Variants in FBXL18 observed in about 807,000 individuals in gnomAD.
The protein encoded by FBXL18 is F-box/LRR-repeat protein 18.
FBXL18 carries 36 observed loss-of-function variants against 46.0 expected under a neutral mutation model. The ratio of observed to expected loss-of-function variants is 0.78; its 90% CI spans 0.60 to 1.03. The LOEUF is 1.03. Ranked by LOEUF, FBXL18 falls within the 50% of genes least tolerant of loss-of-function variation. The pLI is 0.00. For missense variants in FBXL18, 977 were observed against 1,004.1 expected (o/e 0.97, Z 0.36); for synonymous variants, 557 against 465.3 (o/e 1.20, Z -2.54).
At chr7:5,497,729 G>C (rs1413990254) in intron 3 of FBXL18, among the ~76,000 whole-genome samples, 1 of 152,174 alleles carries the variant, frequency 6.6e-6, no homozygotes, top group African/African-American at 2.4e-5. Flanking sequence ...CGGTGTTTGC[G>C]AGAGACTCAG....
intron 4 of FBXL18, chr7:5,490,043 C>A: frequency 1.5e-6 from 2 of 1,338,858 alleles, no homozygotes; most frequent in East Asian, 4.8e-5. Flanking sequence ...GGGGAAACCC[C>A]AACCAGGATT....
intron 4 of FBXL18, among the ~76,000 whole-genome samples, chr7:5,463,003 A>ATATATG (rs1783278719): frequency 1.8e-5 from 2 of 111,408 alleles, no homozygotes; most frequent in Non-Finnish European, 3.9e-5. Context: ...TATAATATAT[A>ATATATG]TACACACACA....
At chr7:5,485,495 T>C (rs913762914) in intron 4 of FBXL18, among the ~76,000 whole-genome samples, 1 of 151,952 alleles carries the variant, frequency 6.6e-6, no homozygotes, top group African/African-American at 2.4e-5. Context: ...ACATTACCCA[T>C]CAGATGTGCA....
At chr7:5,461,081 G>A (rs1207563542) in intron 4 of FBXL18, among the ~76,000 whole-genome samples, 2 of 152,176 alleles carry the variant, frequency 1.3e-5, no homozygotes, top group Admixed American at 1.3e-4. Context: ...CTGGTGTCCT[G>A]GTGCCCAACC....
At chr7:5,466,668 G>C (rs893261792) in intron 4 of FBXL18, among the ~76,000 whole-genome samples, 1 of 152,164 alleles carries the variant, frequency 6.6e-6, no homozygotes, top group Non-Finnish European at 1.5e-5. Context: ...TGGGATCTGG[G>C]GACTGGGGCA....
intron 4 of FBXL18, among the ~76,000 whole-genome samples, chr7:5,468,274 C>T (rs1418835007): frequency 2.6e-5 from 4 of 151,986 alleles, no homozygotes; most frequent in African/African-American, 7.2e-5. Context: ...TGACCCACTG[C>T]GCCGAGCCCT....
intron 4 of FBXL18, among the ~76,000 whole-genome samples, chr7:5,459,719 A>G (rs1783217267): frequency 1.3e-5 from 2 of 151,168 alleles, no homozygotes; most frequent in South Asian, 2.1e-4. Context: ...CAGCCTGGGC[A>G]ACAGAGTGAG....
At chr7:5,470,455 T>G (rs1783409172) in intron 4 of FBXL18, among the ~76,000 whole-genome samples, 1 of 152,052 alleles carries the variant, frequency 6.6e-6, no homozygotes, top group African/African-American at 2.4e-5. Flanking sequence ...CGCGGGAGCC[T>G]GAGCTGCCAC....
intron 1 of FBXL18, among the ~76,000 whole-genome samples, chr7:5,508,652 C>T (rs552123127): frequency 1.3e-5 from 2 of 151,796 alleles, no homozygotes; most frequent in South Asian, 4.2e-4. Flanking sequence ...ATTCCTGGAA[C>T]CCACCCCAGA....
chr7:5,463,720 AT>A (rs1562672240), intron 4 of FBXL18, among the ~76,000 whole-genome samples: 3 of 63,290 alleles, frequency 4.7e-5, no homozygotes, highest in African/African-American at 1.3e-4. Context: ...TTATTTATTT[AT>A]TTATTTATTT....
chr7:5,461,498 C>T (rs983150354), intron 4 of FBXL18, among the ~76,000 whole-genome samples: 11 of 152,174 alleles, frequency 7.2e-5, no homozygotes, highest in Admixed American at 5.9e-4. Context: ...ATTTAAATTA[C>T]CAGGTGTGGT....
At chr7:5,462,767 T>C (rs989242740) in intron 4 of FBXL18, among the ~76,000 whole-genome samples, 2 of 150,862 alleles carry the variant, frequency 1.3e-5, no homozygotes, top group African/African-American at 2.4e-5. Flanking sequence ...CTGGCTAACA[T>C]GGTGAAACCC....
rs1783849476 is a variant in FBXL18 at position 5,489,183 on chromosome 7, T to TA, written c.2000+2047dup. 24 of 503,870 alleles carry TA rather than the reference T, an allele frequency of 4.8e-5. 1 individual carries two copies. The highest frequency in any genetic ancestry group is 3.5e-4 in the South Asian group (24 of 69,224). The allele number at this position is 503,870 out of a possible 1,614,324, so 31.2% of individuals were successfully genotyped here. On this transcript the variant is annotated intron_variant, in intron 4 of 4. Coordinates refer to ENST00000382368, the MANE Select transcript of FBXL18 (RefSeq NM_024963.6). ...AGAGCCGTGAGGACAGCACTGAGAA[T>TA]AATCACTTAGGGCTTTATTTACTGA...
chr7:5,506,054 C>A (rs1210054888), intron 1 of FBXL18, among the ~76,000 whole-genome samples: 1 of 151,872 alleles, frequency 6.6e-6, no homozygotes, highest in South Asian at 2.1e-4. Context: ...TTTGTAGAGA[C>A]GGGGTTTCCC....
At position 5,481,670 on chromosome 7, in the gene FBXL18, G is replaced by A. The variant is rs775991160; in HGVS notation, c.*105C>T. Reference sequence around the variant, plus strand: ...GGAGCCAGGTGGGGCGTGGCTGGCCGGGAGAGAGGCCCCCTTCCTCTTGTG... The same window carrying A: ...GGAGCCAGGTGGGGCGTGGCTGGCCAGGAGAGAGGCCCCCTTCCTCTTGTG... On this transcript the variant is annotated 3_prime_UTR_variant, in exon 5 of 5. Transcript: ENST00000382368. 64 of 1,267,922 alleles carry A rather than the reference G, an allele frequency of 5.0e-5. No homozygotes were observed. Among genetic ancestry groups the A allele is most frequent in the African/African-American group, 1.5e-4 (10 of 67,546 alleles). 78.5% of individuals were successfully genotyped at this position (1,267,922 alleles called of 1,614,324 possible).
Position 5,480,237 on chromosome 7 carries a change from A to AG in FBXL18, c.*1537dup, listed in dbSNP as rs1270788490. 2.1e-5 allele frequency among the ~76,000 whole-genome samples: 3 copies of AG among 145,788 alleles called. No individual in the cohort carries two copies. The highest frequency in any genetic ancestry group is 2.0e-4 in the Admixed American group (3 of 15,004). On this transcript the variant is annotated 3_prime_UTR_variant, in exon 5 of 5. Transcript: ENST00000382368. ...CAGGAGGAGGAAGGCGGGCTGGACA[A>AG]GGGGCCCTTCACCAAGAGCGGCCAG... is the stretch of plus-strand genomic sequence containing the variant.
At position 5,496,882 on chromosome 7, in the gene FBXL18, T is replaced by G. The variant is rs1285644432; in HGVS notation, c.1781+3606A>C. Among the ~76,000 whole-genome samples the G allele has an allele frequency of 6.6e-6, 1 of 151,150 alleles. No homozygotes were observed. Among genetic ancestry groups the G allele is most frequent in the Non-Finnish European group, 1.5e-5 (1 of 67,782 alleles). On this transcript the variant is annotated intron_variant, in intron 3 of 4. Transcript: ENST00000382368. This position sits in a 1 kb window ranked among gnomAD's most constrained non-coding sequence, Gnocchi z 4.8. Reference sequence around the variant, plus strand: ...CTCTACTAAAAATACAAAAAAAAAATTAGCCGAGTATGGTGGTGGGCACCT... The same window carrying G: ...CTCTACTAAAAATACAAAAAAAAAAGTAGCCGAGTATGGTGGTGGGCACCT...
intron 4 of FBXL18, among the ~76,000 whole-genome samples, chr7:5,459,859 G>C (rs1783219996): frequency 6.6e-6 from 1 of 152,204 alleles, no homozygotes; most frequent in Non-Finnish European, 1.5e-5. Context: ...GCTGCCGTGA[G>C]CTGAGATCAC....
chr7:5,468,989 TGTGA>T, intron 4 of FBXL18, among the ~76,000 whole-genome samples: 1 of 83,764 alleles, frequency 1.2e-5, no homozygotes, highest in Admixed American at 1.2e-4. Context: ...TGAATGTGTG[TGTGA>T]ATTGAGAGTG....
Sources: gnomAD v4.1 joint callset for allele counts (sites outside exome capture counted in the v4.1 genomes callset) on GRCh38, gnomAD v4.1.1 for gene constraint, Gnocchi (gnomAD v3.1) non-coding constraint, MANE v1.5 for transcripts, NCBI Gene and HGNC (gene_info 2026-07-23, HGNC 2026-07-21) for gene names.